PRSS23: variants seen among roughly 807,000 people sequenced by gnomAD.
PRSS23 encodes the protein serine protease 23.
PRSS23 carries 25 observed loss-of-function variants against 34.7 expected under a neutral mutation model. The observed-to-expected ratio is 0.72, with a 90% CI of 0.53 to 1.01. The LOEUF is 1.01. Ranked by LOEUF, PRSS23 falls within the 50% of genes least tolerant of loss-of-function variation. The pLI is 0.00. For synonymous variants in PRSS23, 176 were observed against 186.6 expected (o/e 0.94, Z 0.46); for missense variants, 445 against 475.6 (o/e 0.94, Z 0.60).
upstream of PRSS23, among the ~76,000 whole-genome samples, chr11:86,797,708 T>C (rs1947990302): frequency 6.6e-6 from 1 of 152,218 alleles, no homozygotes; most frequent in Non-Finnish European, 1.5e-5. Flanking sequence ...ACTGGAGGAC[T>C]ACACTCCGAA....
intron 2 of PRSS23, among the ~76,000 whole-genome samples, chr11:86,883,768 T>C (rs866618335): frequency 1.3e-5 from 2 of 152,234 alleles, no homozygotes; most frequent in Admixed American, 1.3e-4. Context: ...TTTTGGTATG[T>C]TGTGTTTTCA....
intron 2 of PRSS23, among the ~76,000 whole-genome samples, chr11:86,824,005 C>CAA (rs55884309): frequency 0.012 from 378 of 30,486 alleles, 43 homozygotes; most frequent in African/African-American, 0.048. Flanking sequence ...GACTCCGTCT[C>CAA]AAAAAAAAAA....
At chr11:86,878,622 C>T (rs1313417897) in intron 2 of PRSS23, among the ~76,000 whole-genome samples, 1 of 152,112 alleles carries the variant, frequency 6.6e-6, no homozygotes, top group Non-Finnish European at 1.5e-5. Flanking sequence ...ACAACCTCCA[C>T]CTCCCAGCCG....
upstream of PRSS23, among the ~76,000 whole-genome samples, chr11:86,799,373 CCTTT>C (rs1180637322): frequency 6.6e-6 from 1 of 152,158 alleles, no homozygotes; most frequent in African/African-American, 2.4e-5. Context: ...TTAGACCTTC[CCTTT>C]CTGAGAGTAG....
intron 2 of PRSS23, among the ~76,000 whole-genome samples, chr11:86,899,441 A>T (rs983239695): frequency 6.6e-6 from 1 of 151,764 alleles, no homozygotes. Flanking sequence ...ATCACCTGAG[A>T]CTGGGAGGTT....
chr11:86,844,774 T>G (rs1485959288), intron 2 of PRSS23, among the ~76,000 whole-genome samples: 1 of 152,162 alleles, frequency 6.6e-6, no homozygotes, highest in Non-Finnish European at 1.5e-5. Context: ...CTGGAAGGGA[T>G]GAAAGAACAG....
At chr11:86,892,604 G>A (rs1183054456) in intron 2 of PRSS23, among the ~76,000 whole-genome samples, 1 of 152,166 alleles carries the variant, frequency 6.6e-6, no homozygotes, top group Non-Finnish European at 1.5e-5. Context: ...TGGCTGCTCA[G>A]CTCTCTAGCT....
chr11:86,828,633 C>T (rs913975614), intron 2 of PRSS23, among the ~76,000 whole-genome samples: 38 of 152,226 alleles, frequency 2.5e-4, no homozygotes, highest in African/African-American at 8.2e-4. Flanking sequence ...CGGCTGGTAC[C>T]GGTTGTGCCT....
intron 2 of PRSS23, among the ~76,000 whole-genome samples, chr11:86,905,583 C>G (rs1271815615): frequency 6.6e-6 from 1 of 152,192 alleles, no homozygotes; most frequent in Non-Finnish European, 1.5e-5. Flanking sequence ...ATTAAACCAT[C>G]CAGAAGTCCT....
upstream of PRSS23, chr11:86,800,366 G>A (rs141169733): frequency 5.7e-4 from 483 of 853,396 alleles, 1 homozygote; most frequent in Admixed American, 4.0e-3. Flanking sequence ...GGCCCTCTGG[G>A]CTGCTCCACC....
chr11:86,952,420 G>A (rs1949302386), exon 3 of PRSS23: 3 of 1,613,976 alleles, frequency 1.9e-6, no homozygotes, highest in Non-Finnish European at 2.5e-6. Context: ...GGCCAATGGG[G>A]ATGTTGATCT....
intron 2 of PRSS23, among the ~76,000 whole-genome samples, chr11:86,824,708 C>G (rs1049950244): frequency 6.8e-6 from 1 of 148,144 alleles, no homozygotes; most frequent in Non-Finnish European, 1.5e-5. Flanking sequence ...CAATTCCCAC[C>G]TATGAGTGAG....
chr11:86,950,044 T>C (rs188015808), intron 2 of PRSS23: 14 of 152,440 alleles, frequency 9.2e-5, no homozygotes, highest in African/African-American at 2.4e-4. Flanking sequence ...CAAGTTGAAG[T>C]TGACCATAGT....
chr11:86,795,218 G>A (rs1435844636), intron 1 of PRSS23, among the ~76,000 whole-genome samples: 2 of 152,086 alleles, frequency 1.3e-5, no homozygotes, highest in African/African-American at 2.4e-5. Context: ...AATAGCAGCA[G>A]TGATAGTAAT....
intron 2 of PRSS23, among the ~76,000 whole-genome samples, chr11:86,826,553 G>T (rs1354392459): frequency 1.3e-5 from 2 of 152,148 alleles, no homozygotes; most frequent in Non-Finnish European, 2.9e-5. Context: ...GTGAGAGAGG[G>T]CATCCCTGTC....
At chr11:86,814,865 T>A (rs1478151055), downstream of PRSS23, among the ~76,000 whole-genome samples, 1 of 152,196 alleles carries the variant, frequency 6.6e-6, no homozygotes, top group Non-Finnish European at 1.5e-5. Context: ...ACCAATGTTT[T>A]CTGAGAGGCA....
intron 2 of PRSS23, among the ~76,000 whole-genome samples, chr11:86,938,531 T>C (rs575620305): frequency 4.0e-4 from 61 of 152,056 alleles, no homozygotes; most frequent in Non-Finnish European, 2.8e-4. Flanking sequence ...TGGGATTGGC[T>C]AGAGCATAGG....
intron 2 of PRSS23, among the ~76,000 whole-genome samples, chr11:86,901,155 A>C (rs944661851): frequency 6.6e-6 from 1 of 152,082 alleles, no homozygotes; most frequent in Non-Finnish European, 1.5e-5. Flanking sequence ...TTGTACATTC[A>C]TAACAGCCTA....
intron 2 of PRSS23, among the ~76,000 whole-genome samples, chr11:86,843,916 A>G (rs2134908239): frequency 6.6e-6 from 1 of 152,364 alleles, no homozygotes; most frequent in Middle Eastern, 3.4e-3. Flanking sequence ...ATTACTGGGT[A>G]TATACCCAAA....
Sources: allele counts gnomAD v4.1 joint callset (sites outside exome capture counted in the v4.1 genomes callset), GRCh38; gene constraint gnomAD v4.1.1; transcripts MANE v1.5; gene names NCBI Gene and HGNC (gene_info 2026-07-23, HGNC 2026-07-21).